Variants in COL24A1 observed in about 807,000 individuals in gnomAD.
COL24A1 encodes the protein collagen alpha-1(XXIV) chain.
A neutral mutation model predicts 253.9 loss-of-function variants in COL24A1; 224 were observed. The ratio of observed to expected loss-of-function variants is 0.88; its 90% CI spans 0.79 to 0.99. The LOEUF is 0.99. COL24A1 is among the 50% of genes least tolerant of loss of function. The pLI is 0.00. For synonymous variants in COL24A1, 685 were observed against 673.7 expected, an observed-to-expected ratio of 1.02 and a Z score of -0.26; for missense variants, 2,131 against 2,068.5, an observed-to-expected ratio of 1.03 and a Z score of -0.59.
Position 86,146,870 on chromosome 1 carries a change from T to G in COL24A1, c.57-687A>C, listed in dbSNP as rs540109617. The stretch of plus-strand genomic sequence containing the variant: ...GATAAGCTATCTAAGCAAAAATGTT[T>G]TGTGACATTGCTAGTATAACCAAAC... On this transcript the variant is annotated intron_variant, in intron 1 of 59. Transcript: ENST00000370571. Among the ~76,000 whole-genome samples, 3 of 152,250 alleles carry G rather than the reference T, an allele frequency of 2.0e-5. No individual in the cohort carries two copies. In the East Asian group the frequency reaches 5.8e-4, roughly 29 times the overall value.
chr1:86,009,158 A>G (rs1696268513), intron 19 of COL24A1, among the ~76,000 whole-genome samples: 1 of 152,212 alleles, frequency 6.6e-6, no homozygotes, highest in South Asian at 2.1e-4. Context: ...TGTAGCCAGG[A>G]AAACACTGAA....
Position 85,940,118 on chromosome 1 carries a change from A to G in COL24A1, c.2562+21131T>C. On this transcript the variant is annotated intron_variant, in intron 24 of 59. Coordinates refer to ENST00000370571, the MANE Select transcript of COL24A1 (RefSeq NM_152890.7). The stretch of plus-strand genomic sequence containing the variant: ...TTCATTAACACTTTTAAAAAGTGCC[A>G]TAAGGGCCGGGCGCGGTGGCTCACG... Among the ~76,000 whole-genome samples the G allele has an allele frequency of 2.5e-5, 2 of 79,992 alleles. 1 individual carries two copies. Among genetic ancestry groups the G allele is most frequent in the African/African-American group, 7.7e-5 (2 of 25,896 alleles). The allele number at this position is 79,992 out of a possible 152,430, so 52.5% of individuals were successfully genotyped here.
chr1:86,013,261 C>T (rs755056234), intron 19 of COL24A1, among the ~76,000 whole-genome samples: 8 of 152,178 alleles, frequency 5.3e-5, no homozygotes, highest in Admixed American at 3.9e-4. Context: ...ATGTAGGTCT[C>T]ATCATTTTGG....
At chr1:85,964,124 C>CA (rs1311624333) in intron 23 of COL24A1, among the ~76,000 whole-genome samples, 2 of 151,880 alleles carry the variant, frequency 1.3e-5, no homozygotes, top group Admixed American at 1.3e-4. Context: ...ACATTTAATA[C>CA]AAAAAAATAG....
chr1:85,964,806 G>C lies in COL24A1; in HGVS notation c.2517+203C>G, dbSNP rs143651872. Among the ~76,000 whole-genome samples the C allele has an allele frequency of 1.8e-3, 272 of 152,204 alleles. 1 individual carries two copies. The highest frequency in any genetic ancestry group is 6.1e-3 in the African/African-American group (252 of 41,558). ...AACTCTGAAACACTTCTGGTCCCAT[G>C]CATTTCAGATAGGGGATACTCAACC... On this transcript the variant is annotated intron_variant, in intron 23 of 59. Transcript: ENST00000370571.
Position 85,789,890 on chromosome 1 carries a change from G to A in COL24A1, c.3952-3429C>T, listed in dbSNP as rs181272944. 4.1e-4 allele frequency among the ~76,000 whole-genome samples: 62 copies of A among 152,084 alleles called. No individual in the cohort carries two copies. In the East Asian group the frequency reaches 0.012, roughly 28 times the overall value. ...GTATGTTGAACCAGCCTTGCATCCC[G>A]GGGGTGAAGCCAACTTGATCATGGT... On this transcript the variant is annotated intron_variant, in intron 47 of 59. Coordinates refer to ENST00000370571, the MANE Select transcript of COL24A1 (RefSeq NM_152890.7).
chr1:86,073,164 T>C (rs916014422), intron 7 of COL24A1, among the ~76,000 whole-genome samples: 1 of 152,042 alleles, frequency 6.6e-6, no homozygotes, highest in East Asian at 1.9e-4. Flanking sequence ...AGGTGGGTAA[T>C]AACAAACTCC....
At chr1:86,111,637 C>G (rs1705619508) in intron 5 of COL24A1, among the ~76,000 whole-genome samples, 1 of 152,108 alleles carries the variant, frequency 6.6e-6, no homozygotes, top group Non-Finnish European at 1.5e-5. Flanking sequence ...CTTGGGTCCC[C>G]TTCCACACTG....
rs1663341476 is a variant in COL24A1, at chr1:85,730,230, AT to A, written c.*315del. On this transcript the variant is annotated 3_prime_UTR_variant, in exon 60 of 60. Coordinates refer to ENST00000370571, the MANE Select transcript of COL24A1 (RefSeq NM_152890.7). ...AGTGCTCTGCATCTCCAGCTGTCTA[AT>A]GGGTACTACGCACTCAGTCAAAAAT... 1 of 193,126 alleles carries A rather than the reference AT, an allele frequency of 5.2e-6. No individual in the cohort carries two copies. Among genetic ancestry groups the A allele is most frequent in the Non-Finnish European group, 1.1e-5 (1 of 92,552 alleles). 12.0% of individuals were successfully genotyped at this position (193,126 alleles called of 1,614,324 possible). A position where few individuals can be genotyped will look rare whatever the true frequency, so the allele number is the denominator to read the frequency against.
intron 28 of COL24A1, among the ~76,000 whole-genome samples, chr1:85,901,883 G>C (rs963014415): frequency 2.7e-5 from 4 of 147,302 alleles, no homozygotes; most frequent in Non-Finnish European, 1.5e-5. Flanking sequence ...CCCACTACTG[G>C]GTATTTATCC....
intron 26 of COL24A1, among the ~76,000 whole-genome samples, chr1:85,909,366 A>G (rs529462313): frequency 1.3e-5 from 2 of 151,968 alleles, no homozygotes; most frequent in South Asian, 4.1e-4. Context: ...ATATCCTTTT[A>G]TTGATAATAA....
chr1:85,778,145 C>T (rs1222832563), intron 52 of COL24A1, among the ~76,000 whole-genome samples: 1 of 151,262 alleles, frequency 6.6e-6, no homozygotes, highest in Admixed American at 6.6e-5. Context: ...TTTTTTTTGC[C>T]CAGGCTGGAG....
At chr1:86,052,320 T>C (rs1401906221) in intron 10 of COL24A1, among the ~76,000 whole-genome samples, 1 of 152,004 alleles carries the variant, frequency 6.6e-6, no homozygotes, top group Non-Finnish European at 1.5e-5. Context: ...TATCAAAAGA[T>C]AGAAGCAACG....
chr1:85,874,574 T>A (rs1251128293), intron 35 of COL24A1, 75 bp downstream of exon 35: 7 of 1,300,334 alleles, frequency 5.4e-6, no homozygotes, highest in Non-Finnish European at 7.5e-6. Context: ...ATTTTTTGAG[T>A]GTTTCGAATA....
chr1:85,813,396 A>C (rs567659057), intron 47 of COL24A1, among the ~76,000 whole-genome samples: 74 of 150,786 alleles, frequency 4.9e-4, no homozygotes, highest in Non-Finnish European at 1.0e-3. Context: ...CCTAAGGTAA[A>C]AGACAGAGGG....
At chr1:85,974,269 ATTTACATAG>A (rs1052408929) in intron 20 of COL24A1, among the ~76,000 whole-genome samples, 1 of 152,148 alleles carries the variant, frequency 6.6e-6, no homozygotes, top group African/African-American at 2.4e-5. Flanking sequence ...TCAAATGGGA[ATTTACATAG>A]TTTACAGGCG....
At chr1:85,984,927 T>A (rs1693585701) in intron 20 of COL24A1, among the ~76,000 whole-genome samples, 1 of 151,854 alleles carries the variant, frequency 6.6e-6, no homozygotes, top group African/African-American at 2.4e-5. Context: ...AGTTACCAAG[T>A]TGTTTTGTTT....
At chr1:86,045,083 G>A (rs910873640) in intron 12 of COL24A1, among the ~76,000 whole-genome samples, 11 of 151,972 alleles carry the variant, frequency 7.2e-5, no homozygotes, top group South Asian at 2.1e-4. Context: ...TTATTCTCCC[G>A]GGTTCAAGTG....
chr1:86,013,630 G>A (rs1696739774), intron 19 of COL24A1, among the ~76,000 whole-genome samples: 1 of 152,182 alleles, frequency 6.6e-6, no homozygotes, highest in Non-Finnish European at 1.5e-5. Context: ...GAGGTCAGGA[G>A]TTTGAGACCA....
Sources: gnomAD v4.1 joint callset for allele counts (sites outside exome capture counted in the v4.1 genomes callset) on GRCh38, gnomAD v4.1.1 for gene constraint, MANE v1.5 for transcripts, NCBI Gene and HGNC (gene_info 2026-07-23, HGNC 2026-07-21) for gene names.